The following TAOK3 variants were observed in gnomAD, a reference collection of about 807,000 sequenced individuals.
TAOK3 encodes serine/threonine-protein kinase TAO3.
A neutral mutation model predicts 120.4 loss-of-function variants in TAOK3; 40 were observed. That is an observed-to-expected ratio of 0.33 (90% CI 0.26 to 0.43). The LOEUF (loss-of-function observed/expected upper bound fraction) is 0.43, where lower values mean the gene tolerates loss of function less well. Ranked by LOEUF, TAOK3 falls within the 20% of genes least tolerant of loss-of-function variation. TAOK3 has a pLI of 1.00. For synonymous variants in TAOK3, 355 were observed against 387.5 expected (o/e 0.92, Z 0.99); for missense variants, 821 against 1,112.1 (o/e 0.74, Z 3.72).
intron 13 of TAOK3, among the ~76,000 whole-genome samples, chr12:118,190,988 A>C (rs1297747491): frequency 1.3e-5 from 2 of 152,240 alleles, no homozygotes; most frequent in African/African-American, 2.4e-5. Context: ...AGGGTGGAAA[A>C]GGAGAAATTA....
At chr12:118,332,546 G>A (rs2044195957) in intron 1 of TAOK3, among the ~76,000 whole-genome samples, 1 of 151,958 alleles carries the variant, frequency 6.6e-6, no homozygotes, top group Non-Finnish European at 1.5e-5. Flanking sequence ...TTATTATGAG[G>A]CTATAGCTAG....
chr12:118,248,111 T>C (rs2040593848), intron 3 of TAOK3, among the ~76,000 whole-genome samples: 1 of 152,084 alleles, frequency 6.6e-6, no homozygotes, highest in South Asian at 2.1e-4. Context: ...AATGGTTTCT[T>C]TATGATTTTT....
chr12:118,244,990 A>C, intron 3 of TAOK3, 25 bp from the exon 4 acceptor site: 1 of 1,526,014 alleles, frequency 6.6e-7, no homozygotes, highest in Non-Finnish European at 9.0e-7. Context: ...TAGAAGAAAA[A>C]GAAAAAGAAT....
chr12:118,243,325 T>C, intron 5 of TAOK3, 90 bp downstream of exon 5: 1 of 701,396 alleles, frequency 1.4e-6, no homozygotes, highest in South Asian at 1.8e-5. Flanking sequence ...AGAAATGAAA[T>C]TAGTAATTTT....
At chr12:118,176,500 A>C (rs1357973587) in intron 16 of TAOK3, among the ~76,000 whole-genome samples, 1 of 152,160 alleles carries the variant, frequency 6.6e-6, no homozygotes, top group Non-Finnish European at 1.5e-5. Context: ...TGAAAAGATC[A>C]CTTTGACTGA....
At chr12:118,232,855 A>C (rs2039842613) in intron 9 of TAOK3, among the ~76,000 whole-genome samples, 1 of 152,126 alleles carries the variant, frequency 6.6e-6, no homozygotes, top group Admixed American at 6.6e-5. Context: ...CAATGAGCCG[A>C]GATTGTGCCA....
intron 3 of TAOK3, among the ~76,000 whole-genome samples, chr12:118,249,407 T>C (rs2040651854): frequency 6.6e-6 from 1 of 151,718 alleles, no homozygotes; most frequent in Non-Finnish European, 1.5e-5. Flanking sequence ...ACTAAAAATA[T>C]GAAAATTAGC....
Position 118,199,148 on chromosome 12 carries a change from C to A in TAOK3, c.1097G>T (p.Ser366Ile). ...STGSQSSSVN[S>I]MQEVMDESSS... is the part of the protein sequence containing the mutation. ...GCTCTCGTCCATGACTTCCTGCATG[C>A]TGTTCACACTGCTGCTCTGGCTGCC... The change falls in exon 13 of 21, where the codon AGC becomes ATC. Residue 366 changes from serine to isoleucine, a missense_variant. Coordinates refer to ENST00000392533, the MANE Select transcript of TAOK3 (RefSeq NM_016281.4). 6.2e-7 allele frequency: 1 copy of A among 1,614,194 alleles called. No individual in the cohort carries two copies. Among genetic ancestry groups the A allele is most frequent in the Non-Finnish European group, 8.5e-7 (1 of 1,180,024 alleles).
chr12:118,246,027 G>T, intron 3 of TAOK3: 1 of 695,816 alleles, frequency 1.4e-6, no homozygotes, highest in South Asian at 2.0e-5. Flanking sequence ...GTAATAATGT[G>T]AGTATACGTG....
intron 5 of TAOK3, among the ~76,000 whole-genome samples, 190 bp from the exon 6 acceptor site, chr12:118,239,462 A>G (rs1352729254): frequency 1.3e-5 from 2 of 152,134 alleles, no homozygotes; most frequent in Non-Finnish European, 2.9e-5. Context: ...AGTTTTTATT[A>G]TTTCTTGTTT....
chr12:118,283,095 T>C (rs1205249732), intron 1 of TAOK3, among the ~76,000 whole-genome samples: 1 of 152,238 alleles, frequency 6.6e-6, no homozygotes, highest in African/African-American at 2.4e-5. Context: ...TTACAACCTG[T>C]TTAAGCTTCT....
chr12:118,159,425 C>T (rs2035070851), intron 19 of TAOK3, among the ~76,000 whole-genome samples: 1 of 151,936 alleles, frequency 6.6e-6, no homozygotes, highest in African/African-American at 2.4e-5. Flanking sequence ...ATTCTCCTGC[C>T]TCAGCCTCCT....
At chr12:118,213,176 G>T (rs1478923558) in intron 10 of TAOK3, among the ~76,000 whole-genome samples, 181 bp from the exon 11 acceptor site, 1 of 152,204 alleles carries the variant, frequency 6.6e-6, no homozygotes. Flanking sequence ...TTTGGATAAT[G>T]AGTGAGGACA....
At chr12:118,209,549 C>A (rs1429237469) in intron 11 of TAOK3, among the ~76,000 whole-genome samples, 2 of 152,046 alleles carry the variant, frequency 1.3e-5, no homozygotes, top group Non-Finnish European at 2.9e-5. Context: ...CAGGTGTGAA[C>A]CACCATGCCT....
intron 1 of TAOK3, among the ~76,000 whole-genome samples, chr12:118,267,188 T>A (rs917922779): frequency 6.6e-6 from 1 of 152,142 alleles, no homozygotes; most frequent in African/African-American, 2.4e-5. Context: ...CTATAACCAA[T>A]CTTCCACATT....
intron 1 of TAOK3, among the ~76,000 whole-genome samples, chr12:118,310,491 T>C (rs1468544029): frequency 6.6e-6 from 1 of 152,222 alleles, no homozygotes; most frequent in African/African-American, 2.4e-5. Context: ...GGCAAAATTA[T>C]TGAACTTGGG....
intron 14 of TAOK3, among the ~76,000 whole-genome samples, chr12:118,186,933 A>G (rs1437573758): frequency 1.1e-4 from 17 of 152,208 alleles, no homozygotes; most frequent in Admixed American, 1.1e-3. Context: ...GCTTCTTCAT[A>G]TACTTGTCAG....
intron 2 of TAOK3, among the ~76,000 whole-genome samples, chr12:118,262,344 G>A (rs557488317): frequency 1.4e-4 from 22 of 152,038 alleles, no homozygotes; most frequent in African/African-American, 3.1e-4. Context: ...TTAGCCGGGC[G>A]TGGTGGTGGG....
At chr12:118,164,136 C>T (rs1432609610) in intron 17 of TAOK3, among the ~76,000 whole-genome samples, 1 of 151,420 alleles carries the variant, frequency 6.6e-6, no homozygotes, top group African/African-American at 2.4e-5. Flanking sequence ...TCCTGGCTAA[C>T]ATGGTGAAAC....
Sources: allele counts gnomAD v4.1 joint callset (sites outside exome capture counted in the v4.1 genomes callset), GRCh38; gene constraint gnomAD v4.1.1; transcripts MANE v1.5; gene names NCBI Gene and HGNC (gene_info 2026-07-23, HGNC 2026-07-21).